Variants in SRCIN1 observed in about 807,000 individuals in gnomAD.
SRCIN1 encodes the protein SRC kinase signaling inhibitor 1, also known as P130Cas-associated protein.
SRCIN1 carries 50 observed loss-of-function variants against 116.2 expected under a neutral mutation model. The ratio of observed to expected loss-of-function variants is 0.43; its 90% CI spans 0.34 to 0.54. SRCIN1 has a LOEUF of 0.54. SRCIN1 is among the 20% of genes least tolerant of loss of function. The pLI is 0.02. For missense variants in SRCIN1, 1,446 were observed against 1,672.0 expected, an observed-to-expected ratio of 0.86 and a Z score of 2.36; for synonymous variants, 736 against 750.0, an observed-to-expected ratio of 0.98 and a Z score of 0.30.
intron 2 of SRCIN1, among the ~76,000 whole-genome samples, chr17:38,573,002 G>A (rs1375805027): frequency 2.0e-5 from 3 of 152,150 alleles, no homozygotes; most frequent in Admixed American, 6.5e-5. Flanking sequence ...GCGTCGCCGC[G>A]GTCACCCGAT....
chr17:38,543,701 G>C, intron 18 of SRCIN1, 122 bp downstream of exon 18: 4 of 1,388,002 alleles, frequency 2.9e-6, no homozygotes, highest in Non-Finnish European at 3.8e-6. Context: ...GGCAGGGAAG[G>C]TCTGTCTGGG....
intron 1 of SRCIN1, among the ~76,000 whole-genome samples, chr17:38,598,797 T>C (rs1282876583): frequency 6.6e-6 from 1 of 152,160 alleles, no homozygotes; most frequent in Non-Finnish European, 1.5e-5. Context: ...AAAACCCGAA[T>C]TGGATTATAG....
intron 3 of SRCIN1, among the ~76,000 whole-genome samples, chr17:38,566,649 C>T (rs1187991876): frequency 6.6e-6 from 1 of 152,118 alleles, no homozygotes; most frequent in African/African-American, 2.4e-5. Flanking sequence ...TTTCCAGGAC[C>T]CCATATTCAC....
At chr17:38,564,556 G>A (rs1016391659) in intron 3 of SRCIN1, among the ~76,000 whole-genome samples, 14 of 152,120 alleles carry the variant, frequency 9.2e-5, no homozygotes, top group African/African-American at 3.4e-4. Context: ...CAGGCACCCT[G>A]GGAAGCCAGA....
Position 38,559,693 on chromosome 17 carries a change from T to G in SRCIN1, c.1917A>C (p.Ala639=). Residue 639 remains alanine, a synonymous_variant, in exon 10 of 19, where the codon GCA becomes GCC. Coordinates refer to ENST00000617146, the MANE Select transcript of SRCIN1 (RefSeq NM_025248.3). ...GCCGGCTAACGGCGGTAGGCTGACC[T>G]GCGGGGGTGCTGCTGGCCGAGGGCG... ...PPPPSASSTP[A]GQPTAVSRLQ... The G allele has an allele frequency of 6.3e-7, 1 of 1,588,578 alleles. No homozygotes were observed.
intron 3 of SRCIN1, 103 bp from the exon 4 acceptor site, chr17:38,564,416 C>T: frequency 2.5e-6 from 3 of 1,216,164 alleles, no homozygotes; most frequent in East Asian, 2.6e-5. Context: ...TGCCAGCCAG[C>T]GACACCCACA....
In SRCIN1 at chr17:38,605,708, G is replaced by A; in HGVS notation, c.-3C>T. ...CCTTGGGACGGAGCGTTCCCCATCG[G>A]GCGGGGGCGCGGGGGGCGGGGGCCC... On this transcript the variant is annotated 5_prime_UTR_variant, in exon 1 of 19. Transcript: ENST00000617146. 1.6e-6 allele frequency: 2 copies of A among 1,227,774 alleles called. No individual in the cohort carries two copies. The highest frequency in any genetic ancestry group is 2.0e-6 in the Non-Finnish European group (2 of 976,490). The allele number at this position is 1,227,774 out of a possible 1,614,324, so 76.1% of individuals were successfully genotyped here.
chr17:38,583,002 CT>C (rs974494308), intron 1 of SRCIN1, among the ~76,000 whole-genome samples: 3 of 152,134 alleles, frequency 2.0e-5, no homozygotes, highest in African/African-American at 7.2e-5. Flanking sequence ...AATCAGAACA[CT>C]GGGAGAGAAA....
At chr17:38,589,929 G>GTA (rs1555612160) in intron 1 of SRCIN1, among the ~76,000 whole-genome samples, 1 of 152,208 alleles carries the variant, frequency 6.6e-6, no homozygotes, top group Non-Finnish European at 1.5e-5. Flanking sequence ...GGAAAAGGCA[G>GTA]GAGACTTGGC....
At chr17:38,553,974 G>A (rs1905616204) in intron 11 of SRCIN1, among the ~76,000 whole-genome samples, 1 of 152,212 alleles carries the variant, frequency 6.6e-6, no homozygotes, top group African/African-American at 2.4e-5. Flanking sequence ...CACTTTGGGA[G>A]GCCGAGGTGG....
chr17:38,565,818 T>C (rs1354205341), intron 3 of SRCIN1, among the ~76,000 whole-genome samples: 1 of 152,102 alleles, frequency 6.6e-6, no homozygotes, highest in Non-Finnish European at 1.5e-5. Context: ...CTCTCAAGCA[T>C]AATGCCTTGA....
At position 38,558,408 on chromosome 17, in the gene SRCIN1, G is replaced by A; in HGVS notation, c.2026-6C>T. 2.5e-6 allele frequency: 4 copies of A among 1,588,210 alleles called. No homozygotes were observed. The highest frequency in any genetic ancestry group is 3.4e-6 in the Non-Finnish European group (4 of 1,172,892). ...ACCGACTCCTGGTTCTGTAGCTGCG[G>A]GACGCACGGACGGATGGACCCGGGT... On this transcript the variant is annotated splice_polypyrimidine_tract_variant and splice_region_variant and intron_variant, in intron 10 of 18. Coordinates refer to ENST00000617146, the MANE Select transcript of SRCIN1 (RefSeq NM_025248.3). This position sits in a 1 kb window ranked among gnomAD's most constrained non-coding sequence, Gnocchi z 4.6.
chr17:38,533,406 C>G lies in SRCIN1; in HGVS notation c.3443G>C (p.Ser1148Thr). 1 of 1,613,080 alleles carries G rather than the reference C, an allele frequency of 6.2e-7. No individual in the cohort carries two copies. Among genetic ancestry groups the G allele is most frequent in the African/African-American group, 1.3e-5 (1 of 74,958 alleles). ...QQATKPSKEM[S>T]GSNETSSPVS... ...TGGGCTCGAGGTCTCATTCGACCCGCTCATCTCTTTAGATGGTTTAGTGGC... is the reference window on the plus strand; with the variant it reads ...TGGGCTCGAGGTCTCATTCGACCCGGTCATCTCTTTAGATGGTTTAGTGGC... Residue 1148 changes from serine (S) to threonine (T), a missense_variant, in exon 19 of 19, where the codon AGC becomes ACC. This residue lies in a region of SRCIN1 where 531 missense variants were observed against 633.9 expected (regional missense o/e 0.84). Coordinates refer to ENST00000617146, the MANE Select transcript of SRCIN1 (RefSeq NM_025248.3).
In SRCIN1 at chr17:38,564,285, G is replaced by T. The variant is rs750660493; in HGVS notation, c.374C>A (p.Ala125Asp). The T allele has an allele frequency of 6.4e-7, 1 of 1,569,146 alleles. No homozygotes were observed. Among genetic ancestry groups the T allele is most frequent in the Non-Finnish European group, 8.6e-7 (1 of 1,161,184 alleles). ...KTRSSRHTQG[A>D]QPGLADQAAK... Reference sequence around the variant, plus strand: ...CGCCTGGTCTGCCAGCCCGGGCTGGGCTCCCTGAGTGTGGCGTGAGCTGCG... The same window carrying T: ...CGCCTGGTCTGCCAGCCCGGGCTGGTCTCCCTGAGTGTGGCGTGAGCTGCG... Residue 125 changes from alanine to aspartate, a missense_variant, in exon 4 of 19, where the codon GCC (alanine) becomes GAC (aspartate). Around this residue, in one of 5 missense-constraint regions of SRCIN1, gnomAD observed 246 missense variants for 265.1 expected, o/e 0.93. Coordinates refer to ENST00000617146, the MANE Select transcript of SRCIN1 (RefSeq NM_025248.3).
Position 38,561,657 on chromosome 17 carries a change from G to A in SRCIN1, c.1506C>T (p.Gly502=). ...TGCGGAAGGACTGGCGCACTGGCGA[G>A]CCGCGGCTGGGCGGCCCCGAGTAGG... ...HSPYSGPPSR[G]SPVRQSFRKD... The change falls in exon 7 of 19, where the codon GGC becomes GGT. Residue 502 remains glycine, a synonymous_variant. Transcript: ENST00000617146. 2 of 1,560,018 alleles carry A rather than the reference G, an allele frequency of 1.3e-6. No individual in the cohort carries two copies. The highest frequency in any genetic ancestry group is 8.7e-7 in the Non-Finnish European group (1 of 1,153,590).
chr17:38,569,148 T>A (rs952575814), intron 2 of SRCIN1, among the ~76,000 whole-genome samples: 2 of 152,082 alleles, frequency 1.3e-5, no homozygotes, highest in Non-Finnish European at 2.9e-5. Context: ...CCTCTTAGCA[T>A]CCCTAGAATG....
intron 1 of SRCIN1, among the ~76,000 whole-genome samples, chr17:38,603,751 G>A (rs780418659): frequency 9.2e-5 from 14 of 151,938 alleles, no homozygotes; most frequent in Non-Finnish European, 1.5e-4. Context: ...TGGAGGGGGG[G>A]TGCATCTTAT....
chr17:38,553,452 T>C (rs879405828), intron 11 of SRCIN1, among the ~76,000 whole-genome samples: 2 of 152,112 alleles, frequency 1.3e-5, no homozygotes, highest in Non-Finnish European at 2.9e-5. Context: ...CCTGATTCTA[T>C]TCTGCCAAGG....
rs1352338555 is a variant in SRCIN1 at position 38,530,739 on chromosome 17, G to C, written c.*2558C>G. The C allele has an allele frequency of 6.6e-6, 1 of 152,246 alleles. No homozygotes were observed. Among genetic ancestry groups the C allele is most frequent in the Non-Finnish European group, 1.5e-5 (1 of 68,052 alleles). 9.4% of individuals were successfully genotyped at this position (152,246 alleles called of 1,614,324 possible). A position where few individuals can be genotyped will look rare whatever the true frequency, so the allele number is the denominator to read the frequency against. On this transcript the variant is annotated 3_prime_UTR_variant, in exon 19 of 19. Transcript: ENST00000617146. ...GCCCACACACAAGTCTCTGGCTCTC[G>C]GCATGTCTGCACACACATTACACAT... is the stretch of plus-strand genomic sequence containing the variant.
Sources: gnomAD v4.1 joint callset for allele counts (sites outside exome capture counted in the v4.1 genomes callset) on GRCh38, gnomAD v4.1.1 for gene constraint, gnomAD v4.1.1 regional missense constraint, Gnocchi (gnomAD v3.1) non-coding constraint, MANE v1.5 for transcripts, NCBI Gene and HGNC (gene_info 2026-07-23, HGNC 2026-07-21) for gene names.